The following STX8 variants were observed in gnomAD, a reference collection of about 807,000 sequenced individuals.
The protein encoded by STX8 is syntaxin-8.
A neutral mutation model predicts 37.5 loss-of-function variants in STX8; 23 were observed. The observed-to-expected ratio is 0.61, with a 90% CI of 0.44 to 0.87. The LOEUF (loss-of-function observed/expected upper bound fraction) is 0.87, where lower values mean the gene tolerates loss of function less well. STX8 is among the 40% of genes least tolerant of loss of function. The probability of loss-of-function intolerance (pLI) is 0.00; values close to 1 mark genes in which losing one functional copy is unlikely to be tolerated. For missense variants in STX8, 313 were observed against 284.7 expected (o/e 1.10, Z -0.71); for synonymous variants, 115 against 99.1 (o/e 1.16, Z -0.95).
intron 7 of STX8, among the ~76,000 whole-genome samples, chr17:9,341,943 C>A (rs1910374442): frequency 6.6e-6 from 1 of 152,096 alleles, no homozygotes; most frequent in Non-Finnish European, 1.5e-5. Context: ...CCGTGGAGAG[C>A]CTCAGATCCA....
rs935129107 is a variant in STX8 at position 9,362,810 on chromosome 17, CAG to C, written c.643+15740_643+15741del. On this transcript the variant is annotated intron_variant, in intron 7 of 7. Transcript: ENST00000306357. ...GCACTCCAGCCTGGAGCCTGGGCGA[CAG>C]AGTGAGACTCCGTCTCAAAAAAAAA... 1.1e-4 allele frequency among the ~76,000 whole-genome samples: 14 copies of C among 131,426 alleles called. No homozygotes were observed. In the East Asian group the frequency reaches 2.9e-3, roughly 28 times the overall value. 86.2% of individuals were successfully genotyped at this position (131,426 alleles called of 152,430 possible).
At chr17:9,532,268 A>G (rs1210644345) in intron 4 of STX8, among the ~76,000 whole-genome samples, 1 of 152,204 alleles carries the variant, frequency 6.6e-6, no homozygotes, top group Non-Finnish European at 1.5e-5. Flanking sequence ...CTACTCTGTC[A>G]AGTTCGAAGG....
intron 6 of STX8, among the ~76,000 whole-genome samples, chr17:9,380,869 C>T (rs141523665): frequency 7.7e-4 from 116 of 151,558 alleles, no homozygotes; most frequent in African/African-American, 2.1e-3. Context: ...GCGCACCACC[C>T]GTAATTTTTG....
intron 7 of STX8, among the ~76,000 whole-genome samples, chr17:9,271,589 A>C (rs1201879458): frequency 1.8e-4 from 27 of 152,120 alleles, no homozygotes. Flanking sequence ...ATCTGTACTA[A>C]AAATACAAAA....
chr17:9,278,797 G>C (rs1345216929), intron 7 of STX8, among the ~76,000 whole-genome samples: 3 of 152,076 alleles, frequency 2.0e-5, no homozygotes, highest in African/African-American at 7.2e-5. Flanking sequence ...AGATCGGGCA[G>C]GGTGGGTGCA....
At chr17:9,356,960 G>GTTTTTTTTTTTTTTTTTTTTTTTTTTTTT (rs140965935) in intron 7 of STX8, among the ~76,000 whole-genome samples, 1 of 61,752 alleles carries the variant, frequency 1.6e-5, no homozygotes, top group African/African-American at 6.2e-5. Flanking sequence ...CCTTTTAACA[G>GTTTTTTTTTTTTTTTTTTTTTTTTTTTTT]TTTTTTTTTT....
intron 7 of STX8, among the ~76,000 whole-genome samples, chr17:9,376,880 T>C (rs1051171250): frequency 6.6e-5 from 10 of 152,194 alleles, no homozygotes; most frequent in African/African-American, 2.4e-4. Flanking sequence ...CCGGACACAG[T>C]ATCTCTCATC....
At chr17:9,318,530 C>G (rs1909463552) in intron 7 of STX8, among the ~76,000 whole-genome samples, 1 of 152,066 alleles carries the variant, frequency 6.6e-6, no homozygotes. Context: ...CATTTCAGAA[C>G]AGCAACAAAA....
intron 7 of STX8, among the ~76,000 whole-genome samples, chr17:9,355,162 C>A (rs1365458829): frequency 6.6e-6 from 1 of 152,014 alleles, no homozygotes; most frequent in African/African-American, 2.4e-5. Context: ...TGGACTCTTT[C>A]AATAAATATG....
chr17:9,499,951 C>T (rs1339836442), intron 5 of STX8, among the ~76,000 whole-genome samples: 3 of 152,202 alleles, frequency 2.0e-5, no homozygotes, highest in African/African-American at 7.2e-5. Flanking sequence ...CGACTGAAAA[C>T]AGCTTTTCTT....
intron 7 of STX8, among the ~76,000 whole-genome samples, chr17:9,281,767 C>G (rs1451124427): frequency 6.6e-6 from 1 of 152,220 alleles, no homozygotes; most frequent in African/African-American, 2.4e-5. Context: ...AACCCCATCT[C>G]TATTAAAAAT....
At chr17:9,275,214 C>T (rs909798891) in intron 7 of STX8, among the ~76,000 whole-genome samples, 23 of 152,178 alleles carry the variant, frequency 1.5e-4, no homozygotes, top group African/African-American at 5.3e-4. Context: ...TTCACCCAGA[C>T]CTCTGGGGTC....
intron 6 of STX8, among the ~76,000 whole-genome samples, chr17:9,489,655 C>T (rs1223175166): frequency 1.3e-5 from 2 of 150,728 alleles, no homozygotes; most frequent in Non-Finnish European, 1.5e-5. Context: ...AACAATTGTA[C>T]ACCAGATAGG....
At chr17:9,340,915 T>C (rs564244542) in intron 7 of STX8, among the ~76,000 whole-genome samples, 15 of 149,926 alleles carry the variant, frequency 1.0e-4, no homozygotes, top group Admixed American at 4.0e-4. Flanking sequence ...CCTCGGCCTC[T>C]CAAAGTGCTG....
intron 7 of STX8, among the ~76,000 whole-genome samples, chr17:9,298,620 T>C (rs1397995503): frequency 6.6e-6 from 1 of 152,202 alleles, no homozygotes; most frequent in Non-Finnish European, 1.5e-5. Flanking sequence ...GAGACCATCC[T>C]GGCCAACATG....
intron 1 of STX8, among the ~76,000 whole-genome samples, chr17:9,574,379 A>T (rs1401805358): frequency 6.6e-6 from 1 of 151,404 alleles, no homozygotes; most frequent in Non-Finnish European, 1.5e-5. Flanking sequence ...ATAGATTAAA[A>T]TAACAAATTC....
In STX8 at chr17:9,541,879, T is replaced by C. The variant is rs58770873; in HGVS notation, c.323+3293A>G. 8.7e-4 allele frequency among the ~76,000 whole-genome samples: 133 copies of C among 152,288 alleles called. 1 individual carries two copies. In the East Asian group the frequency reaches 9.4e-3, roughly 11 times the overall value. ...GTCTCATGACTAGTACACTGTGACATAGAGCAGTCGTTCTAACCCTGCCAC... is the reference window on the plus strand; with the variant it reads ...GTCTCATGACTAGTACACTGTGACACAGAGCAGTCGTTCTAACCCTGCCAC... On this transcript the variant is annotated intron_variant, in intron 4 of 7. Transcript: ENST00000306357.
chr17:9,358,312 CCA>C (rs1341724950), intron 7 of STX8, among the ~76,000 whole-genome samples: 16 of 152,150 alleles, frequency 1.1e-4, no homozygotes, highest in Non-Finnish European at 2.1e-4. Context: ...TATGACCATG[CCA>C]CTGCACTCCA....
intron 7 of STX8, among the ~76,000 whole-genome samples, chr17:9,278,804 T>C (rs1597580224): frequency 6.6e-6 from 1 of 151,560 alleles, no homozygotes; most frequent in Non-Finnish European, 1.5e-5. Flanking sequence ...GCAGGGTGGG[T>C]GCAGGGGGTA....
Sources: gnomAD v4.1 joint callset for allele counts (sites outside exome capture counted in the v4.1 genomes callset) on GRCh38, gnomAD v4.1.1 for gene constraint, MANE v1.5 for transcripts, NCBI Gene and HGNC (gene_info 2026-07-23, HGNC 2026-07-21) for gene names.